DOCK3: variants seen among roughly 807,000 people sequenced by gnomAD.
DOCK3 encodes dedicator of cytokinesis protein 3.
DOCK3 carries 60 observed loss-of-function variants against 265.6 expected under a neutral mutation model. That is an observed-to-expected ratio of 0.23 (90% CI 0.18 to 0.28). The LOEUF (loss-of-function observed/expected upper bound fraction) is 0.28. Ranked by LOEUF, DOCK3 falls within the 10% of genes least tolerant of loss-of-function variation. The pLI is 1.00. For missense variants in DOCK3, 1,981 were observed against 2,594.3 expected, an observed-to-expected ratio of 0.76 and a Z score of 5.14; for synonymous variants, 881 against 938.0, an observed-to-expected ratio of 0.94 and a Z score of 1.11.
chr3:51,102,290 T>A (rs983577686), intron 9 of DOCK3, among the ~76,000 whole-genome samples: 1 of 152,254 alleles, frequency 6.6e-6, no homozygotes, highest in African/African-American at 2.4e-5. Context: ...GATCAGGATT[T>A]ATTAAAGATC....
chr3:50,952,147 T>A (rs2076607727), intron 5 of DOCK3, among the ~76,000 whole-genome samples: 1 of 152,188 alleles, frequency 6.6e-6, no homozygotes, highest in African/African-American at 2.4e-5. Flanking sequence ...ATTCTTTCAG[T>A]GAGACAGCCA....
At chr3:51,082,781 G>GCC (rs2082288281) in intron 7 of DOCK3, among the ~76,000 whole-genome samples, 1 of 152,174 alleles carries the variant, frequency 6.6e-6, no homozygotes, top group Non-Finnish European at 1.5e-5. Context: ...CCTGCCACCA[G>GCC]CACCTGTGTT....
At chr3:51,145,107 G>A (rs1040232917) in intron 9 of DOCK3, among the ~76,000 whole-genome samples, 7 of 152,092 alleles carry the variant, frequency 4.6e-5, no homozygotes, top group Non-Finnish European at 8.8e-5. Context: ...GGAGAATAAA[G>A]TATTTAATGG....
intron 9 of DOCK3, among the ~76,000 whole-genome samples, chr3:51,107,319 A>G (rs147509013): frequency 1.2e-3 from 190 of 152,348 alleles, no homozygotes; most frequent in African/African-American, 3.4e-3. Flanking sequence ...TCCTCCAAAC[A>G]ATTGCAACAG....
intron 4 of DOCK3, among the ~76,000 whole-genome samples, chr3:50,927,951 G>A (rs989110242): frequency 1.3e-5 from 2 of 151,974 alleles, no homozygotes; most frequent in Non-Finnish European, 2.9e-5. Flanking sequence ...TCTCTCCCAT[G>A]TACTCTTAAG....
At chr3:51,032,119 C>CATGTGTGTGT (rs113336541) in intron 5 of DOCK3, among the ~76,000 whole-genome samples, 4 of 149,098 alleles carry the variant, frequency 2.7e-5, no homozygotes, top group African/African-American at 9.9e-5. Context: ...CCTCCCTCCT[C>CATGTGTGTGT]GTGTGTGTGT....
intron 12 of DOCK3, among the ~76,000 whole-genome samples, chr3:51,185,226 G>T (rs1425761101): frequency 1.3e-5 from 2 of 151,998 alleles, no homozygotes; most frequent in Non-Finnish European, 2.9e-5. Context: ...TATCAGTATT[G>T]GTTCATTAAT....
chr3:50,967,413 T>C (rs1041336930), intron 5 of DOCK3, among the ~76,000 whole-genome samples: 3 of 152,220 alleles, frequency 2.0e-5, no homozygotes, highest in African/African-American at 4.8e-5. Flanking sequence ...CATTCATCCA[T>C]TGACGGATTG....
chr3:51,341,555 AG>A (rs1316803077), intron 38 of DOCK3, among the ~76,000 whole-genome samples, 170 bp downstream of exon 38: 1 of 152,176 alleles, frequency 6.6e-6, no homozygotes, highest in African/African-American at 2.4e-5. Context: ...TCTCTGAGGG[AG>A]AAAAAGACAA....
At chr3:50,702,819 C>T (rs2036140875) in intron 1 of DOCK3, among the ~76,000 whole-genome samples, 1 of 151,426 alleles carries the variant, frequency 6.6e-6, no homozygotes. Context: ...TCCTTTTTCT[C>T]AGTTTGAATG....
At chr3:51,299,649 C>T (rs958217618) in intron 27 of DOCK3, among the ~76,000 whole-genome samples, 1 of 152,176 alleles carries the variant, frequency 6.6e-6, no homozygotes, top group African/African-American at 2.4e-5. Flanking sequence ...AGCCAGTTTA[C>T]CCAGCACCAT....
intron 9 of DOCK3, among the ~76,000 whole-genome samples, chr3:51,121,234 A>G (rs969469261): frequency 2.6e-5 from 4 of 152,136 alleles, no homozygotes; most frequent in Non-Finnish European, 5.9e-5. Flanking sequence ...GGCTTCCCTT[A>G]GCTAGGGAAG....
intron 1 of DOCK3, among the ~76,000 whole-genome samples, chr3:50,743,263 G>T (rs538133150): frequency 2.0e-5 from 3 of 152,052 alleles, no homozygotes; most frequent in Non-Finnish European, 2.9e-5. Context: ...AGACCATCGA[G>T]GCTAGGAAGA....
chr3:51,063,402 A>T (rs1305458982), intron 5 of DOCK3, among the ~76,000 whole-genome samples: 1 of 152,144 alleles, frequency 6.6e-6, no homozygotes, highest in African/African-American at 2.4e-5. Flanking sequence ...AAGTAGTATG[A>T]TATTCTGAAT....
chr3:50,701,903 C>T (rs1195511332), intron 1 of DOCK3, among the ~76,000 whole-genome samples: 2 of 152,120 alleles, frequency 1.3e-5, no homozygotes, highest in African/African-American at 4.8e-5. Context: ...CTGGTTTTCT[C>T]TGTTCTGTTC....
chr3:51,090,881 G>A (rs892500642), intron 9 of DOCK3, among the ~76,000 whole-genome samples: 1 of 152,208 alleles, frequency 6.6e-6, no homozygotes, highest in Admixed American at 6.5e-5. Flanking sequence ...TGTGTTAGGA[G>A]TGCTTTATGG....
chr3:51,297,433 T>C (rs950340502), intron 27 of DOCK3, among the ~76,000 whole-genome samples: 5 of 152,084 alleles, frequency 3.3e-5, no homozygotes, highest in African/African-American at 1.2e-4. Flanking sequence ...AAATCATACA[T>C]CTAGTAAACA....
chr3:51,359,316 CTTG>C lies in DOCK3; in HGVS notation c.4885-1190_4885-1188del, dbSNP rs1244960464. On this transcript the variant is annotated intron_variant, in intron 46 of 52. Transcript: ENST00000266037. The surrounding 1 kb of genome is among the most constrained non-coding windows in gnomAD (Gnocchi z 4.8). ...GACAGCATGAAAAGAGAAAAAGAAG[CTTG>C]TTGTAGTTTGAGAGGTAGGGGCACA... 6.6e-6 allele frequency among the ~76,000 whole-genome samples: 1 copy of C among 152,196 alleles called. No individual in the cohort carries two copies. The highest frequency in any genetic ancestry group is 1.5e-5 in the Non-Finnish European group (1 of 68,022).
At chr3:50,730,509 A>G (rs2038130971) in intron 1 of DOCK3, among the ~76,000 whole-genome samples, 1 of 152,260 alleles carries the variant, frequency 6.6e-6, no homozygotes, top group East Asian at 1.9e-4. Flanking sequence ...AGCCAGCATA[A>G]CCTTGATCCA....
Sources: allele counts gnomAD v4.1 joint callset (sites outside exome capture counted in the v4.1 genomes callset), GRCh38; gene constraint gnomAD v4.1.1; non-coding constraint Gnocchi (gnomAD v3.1); transcripts MANE v1.5; gene names NCBI Gene and HGNC (gene_info 2026-07-23, HGNC 2026-07-21).